Variants in RPH3A observed in about 807,000 individuals in gnomAD.
RPH3A encodes the protein rabphilin 3A, also known as rabphilin-3A.
RPH3A carries 48 observed loss-of-function variants against 102.2 expected under a neutral mutation model. That is an observed-to-expected ratio of 0.47 (90% CI 0.37 to 0.60). RPH3A has a LOEUF of 0.60. Ranked by LOEUF, RPH3A falls within the 20% of genes least tolerant of loss-of-function variation. The pLI is 0.00. For synonymous variants in RPH3A, 310 were observed against 324.3 expected, an observed-to-expected ratio of 0.96 and a Z score of 0.47; for missense variants, 781 against 910.1, an observed-to-expected ratio of 0.86 and a Z score of 1.83.
At chr12:112,642,161 C>T (rs979114778) in intron 1 of RPH3A, among the ~76,000 whole-genome samples, 6 of 152,094 alleles carry the variant, frequency 3.9e-5, no homozygotes, top group African/African-American at 1.4e-4. Flanking sequence ...ATTTAAAATC[C>T]CTGCATATGT....
At chr12:112,796,931 C>A (rs1306629988) in intron 2 of RPH3A, among the ~76,000 whole-genome samples, 1 of 152,066 alleles carries the variant, frequency 6.6e-6, no homozygotes, top group African/African-American at 2.4e-5. Flanking sequence ...GTGCCTGCAA[C>A]CCCAGCTATT....
rs1555211260 is a variant in RPH3A, at chr12:112,806,635, T to TA, written c.-19+14382dup. 5.9e-3 allele frequency among the ~76,000 whole-genome samples: 859 copies of TA among 146,774 alleles called. 5 individuals are homozygous for TA. The highest frequency in any genetic ancestry group is 0.037 in the East Asian group (188 of 5,038). On this transcript the variant is annotated intron_variant, in intron 2 of 21. Coordinates refer to ENST00000389385, the MANE Select transcript of RPH3A (RefSeq NM_001143854.2). Reference sequence around the variant, plus strand: ...CAGAGAGAGACTCCATCTCAAAAATTAAAAAAAAAACAAAAAAGAAGGAAC... The same window carrying TA: ...CAGAGAGAGACTCCATCTCAAAAATTAAAAAAAAAAACAAAAAAGAAGGAAC...
chr12:112,653,112 C>T (rs774842188), intron 1 of RPH3A, among the ~76,000 whole-genome samples: 2 of 151,736 alleles, frequency 1.3e-5, no homozygotes, highest in East Asian at 1.9e-4. Flanking sequence ...AAATACAGGC[C>T]GAGGGAGGTG....
intron 2 of RPH3A, among the ~76,000 whole-genome samples, chr12:112,797,427 T>G (rs1160782087): frequency 6.6e-6 from 1 of 152,092 alleles, no homozygotes; most frequent in Admixed American, 6.5e-5. Context: ...GGATTTACAT[T>G]CTGTTGGGGG....
At chr12:112,593,413 G>C (rs1473288585) in intron 1 of RPH3A, among the ~76,000 whole-genome samples, 1 of 152,214 alleles carries the variant, frequency 6.6e-6, no homozygotes, top group Non-Finnish European at 1.5e-5. Flanking sequence ...AACTTTTGTT[G>C]TGTTAAGCTG....
At chr12:112,621,209 G>T (rs2039720430) in intron 1 of RPH3A, among the ~76,000 whole-genome samples, 1 of 152,082 alleles carries the variant, frequency 6.6e-6, no homozygotes, top group Non-Finnish European at 1.5e-5. Flanking sequence ...GAGGAGCCAA[G>T]ATGGCCGAAT....
intron 1 of RPH3A, among the ~76,000 whole-genome samples, chr12:112,716,632 C>T (rs115678299): frequency 0.011 from 1,670 of 152,252 alleles, 24 homozygotes; most frequent in African/African-American, 0.036. Context: ...CACTTTCACC[C>T]GTGTCTCATT....
intron 2 of RPH3A, among the ~76,000 whole-genome samples, chr12:112,825,701 T>C (rs996242300): frequency 1.3e-5 from 2 of 152,102 alleles, no homozygotes. Context: ...ATGCTAGTGT[T>C]GGAGATTAAG....
At chr12:112,691,588 T>A (rs2040307803) in intron 1 of RPH3A, among the ~76,000 whole-genome samples, 1 of 152,244 alleles carries the variant, frequency 6.6e-6, no homozygotes, top group Non-Finnish European at 1.5e-5. Context: ...CATCTGTAAT[T>A]TCCTATGAAT....
chr12:112,645,675 A>G (rs1040348214), intron 1 of RPH3A, among the ~76,000 whole-genome samples: 7 of 152,166 alleles, frequency 4.6e-5, no homozygotes, highest in Non-Finnish European at 1.0e-4. Context: ...GGGGTAAATC[A>G]CATCTGCTTT....
rs1188952094 is a variant in RPH3A at position 112,850,325 on chromosome 12, TG to T, written c.230+2484del. Among the ~76,000 whole-genome samples, 8 of 151,772 alleles carry T rather than the reference TG, an allele frequency of 5.3e-5. No individual in the cohort carries two copies. In the South Asian group the frequency reaches 8.3e-4, roughly 16 times the overall value. On this transcript the variant is annotated intron_variant, in intron 5 of 21. Transcript: ENST00000389385. ...TAATGGCAATTATTTAATGGTGAGG[TG>T]TTTTTTTTTTAATGAGAAAGCTGAT...
At chr12:112,630,877 A>C (rs73431653) in intron 1 of RPH3A, among the ~76,000 whole-genome samples, 2 of 152,100 alleles carry the variant, frequency 1.3e-5, no homozygotes, top group African/African-American at 2.4e-5. Context: ...GAACAACATT[A>C]AACAGGTGAA....
In RPH3A at chr12:112,851,473, A is replaced by G. The variant is rs539769839; in HGVS notation, c.230+3631A>G. 2.6e-5 allele frequency among the ~76,000 whole-genome samples: 4 copies of G among 152,276 alleles called. No homozygotes were observed. The South Asian group carries it at 6.2e-4, about 24-fold the overall frequency. On this transcript the variant is annotated intron_variant, in intron 5 of 21. Coordinates refer to ENST00000389385, the MANE Select transcript of RPH3A (RefSeq NM_001143854.2). ...CCAATTATTATTTTCAGCTCTTATTAACCTGTCTTTACCTTCCAAAGCTGC... is the reference window on the plus strand; with the variant it reads ...CCAATTATTATTTTCAGCTCTTATTGACCTGTCTTTACCTTCCAAAGCTGC...
Position 112,791,881 on chromosome 12 carries a change from A to T in RPH3A, c.-271A>T, listed in dbSNP as rs1437968105. On this transcript the variant is annotated 5_prime_UTR_variant, in exon 1 of 22. Coordinates refer to ENST00000389385, the MANE Select transcript of RPH3A (RefSeq NM_001143854.2). ...GAAGGGAGAAGGGAGAGAGAGAGAG[A>T]GAGAGAGAGAGAGAGAGAGAGAGAC... 6.7e-6 allele frequency: 1 copy of T among 148,516 alleles called. No homozygotes were observed. Among genetic ancestry groups the T allele is most frequent in the African/African-American group, 2.5e-5 (1 of 40,040 alleles). 9.2% of individuals were successfully genotyped at this position (148,516 alleles called of 1,614,324 possible). A position where few individuals can be genotyped will look rare whatever the true frequency, so the allele number is the denominator to read the frequency against.
In RPH3A at chr12:112,897,311, A is replaced by C. The variant is rs576195081; in HGVS notation, c.*531A>C. 1 of 155,590 alleles carries C rather than the reference A, an allele frequency of 6.4e-6. No individual in the cohort carries two copies. Among genetic ancestry groups the C allele is most frequent in the South Asian group, 2.0e-4 (1 of 5,034 alleles). The allele number at this position is 155,590 out of a possible 1,614,324, so 9.6% of individuals were successfully genotyped here. ...CCCTGAGATGTACACCCTGATTGCC[A>C]GGAAAACAGACTGCTGTGTTCAGTA... On this transcript the variant is annotated 3_prime_UTR_variant, in exon 22 of 22. Transcript: ENST00000389385.
chr12:112,581,624 T>C (rs576975148), intron 1 of RPH3A, among the ~76,000 whole-genome samples: 3 of 152,294 alleles, frequency 2.0e-5, no homozygotes, highest in East Asian at 3.9e-4. Flanking sequence ...GGTCTTGAAC[T>C]CTTGGGCTGA....
At chr12:112,810,180 AAG>A (rs2041545308) in intron 2 of RPH3A, among the ~76,000 whole-genome samples, 1 of 152,196 alleles carries the variant, frequency 6.6e-6, no homozygotes, top group Non-Finnish European at 1.5e-5. Context: ...TTCCTCAAGA[AAG>A]AGCTGGAAAT....
chr12:112,803,755 T>C (rs2041401294), intron 2 of RPH3A, among the ~76,000 whole-genome samples: 1 of 152,202 alleles, frequency 6.6e-6, no homozygotes, highest in South Asian at 2.1e-4. Context: ...AATAAAGGAT[T>C]GGACACACTG....
At chr12:112,722,993 T>C (rs1161484125) in intron 1 of RPH3A, among the ~76,000 whole-genome samples, 1 of 152,312 alleles carries the variant, frequency 6.6e-6, no homozygotes, top group Admixed American at 6.5e-5. Context: ...TATTAGACAC[T>C]AAGAGAAGAA....
Sources: gnomAD v4.1 joint callset for allele counts (sites outside exome capture counted in the v4.1 genomes callset) on GRCh38, gnomAD v4.1.1 for gene constraint, MANE v1.5 for transcripts, NCBI Gene and HGNC (gene_info 2026-07-23, HGNC 2026-07-21) for gene names.